Variants in RORA observed in about 807,000 individuals in gnomAD.
The protein encoded by RORA is nuclear receptor ROR-alpha.
RORA carries 7 observed loss-of-function variants against 69.5 expected under a neutral mutation model. The ratio of observed to expected loss-of-function variants is 0.10; its 90% CI spans 0.06 to 0.19. RORA has a LOEUF of 0.19. RORA is among the 10% of genes least tolerant of loss of function. The pLI, the probability that RORA is intolerant of heterozygous loss-of-function variation, is 1.00. For missense variants in RORA, 457 were observed against 663.0 expected, an observed-to-expected ratio of 0.69 and a Z score of 3.41; for synonymous variants, 261 against 240.8, an observed-to-expected ratio of 1.08 and a Z score of -0.78.
intron 1 of RORA, among the ~76,000 whole-genome samples, chr15:61,100,740 C>T (rs1443698302): frequency 6.6e-6 from 1 of 152,210 alleles, no homozygotes; most frequent in African/African-American, 2.4e-5. Flanking sequence ...CTATCACCAG[C>T]ACATGCCCTC....
intron 2 of RORA, among the ~76,000 whole-genome samples, chr15:60,631,080 G>C (rs1186182432): frequency 1.3e-5 from 2 of 151,986 alleles, no homozygotes; most frequent in Non-Finnish European, 2.9e-5. Context: ...AGTAGAGACG[G>C]GGTTTTACCA....
intron 2 of RORA, among the ~76,000 whole-genome samples, chr15:60,664,390 A>C (rs955268444): frequency 1.3e-5 from 2 of 152,226 alleles, no homozygotes; most frequent in African/African-American, 4.8e-5. Context: ...AAAGAGCAGC[A>C]CAAAATGAAG....
At chr15:61,186,038 G>A (rs2079738184) in intron 1 of RORA, among the ~76,000 whole-genome samples, 1 of 152,108 alleles carries the variant, frequency 6.6e-6, no homozygotes, top group African/African-American at 2.4e-5. Context: ...CAATACTAAA[G>A]TTCTCTCTGT....
At chr15:60,714,769 T>C (rs1410603913) in intron 1 of RORA, among the ~76,000 whole-genome samples, 3 of 152,188 alleles carry the variant, frequency 2.0e-5, no homozygotes, top group East Asian at 3.8e-4. Context: ...TCTGAAAATA[T>C]ACTGATGTGA....
chr15:60,878,764 T>C lies in RORA; in HGVS notation c.167-200078A>G, dbSNP rs530829931. ...TAATGACCTACTGTGCTTATTTTTC[T>C]AGATGAAGTAAATTATGTCTGAGGT... On this transcript the variant is annotated intron_variant, in intron 1 of 10. Coordinates refer to ENST00000335670, the MANE Select transcript of RORA (RefSeq NM_134261.3). Among the ~76,000 whole-genome samples, 12 of 152,370 alleles carry C rather than the reference T, an allele frequency of 7.9e-5. No homozygotes were observed. In the East Asian group the frequency reaches 2.3e-3, roughly 29 times the overall value.
intron 2 of RORA, among the ~76,000 whole-genome samples, chr15:60,581,685 G>C (rs1042916047): frequency 2.6e-5 from 4 of 152,044 alleles, no homozygotes; most frequent in African/African-American, 9.7e-5. Context: ...AACCCCACTG[G>C]GAAATTCCAC....
At chr15:60,522,702 G>A (rs1373378343) in intron 3 of RORA, among the ~76,000 whole-genome samples, 2 of 150,848 alleles carry the variant, frequency 1.3e-5, no homozygotes, top group East Asian at 4.0e-4. Flanking sequence ...CCAGGAGTTT[G>A]AGGGTGCAGT....
intron 1 of RORA, chr15:61,038,693 A>T (rs948596527): frequency 6.6e-6 from 1 of 152,272 alleles, no homozygotes; most frequent in Non-Finnish European, 1.5e-5. Context: ...CAGTCCAATC[A>T]AAATACACTG....
At chr15:60,984,008 G>C (rs547689069) in intron 1 of RORA, among the ~76,000 whole-genome samples, 2 of 152,186 alleles carry the variant, frequency 1.3e-5, no homozygotes, top group African/African-American at 2.4e-5. Context: ...TAGCAAAATT[G>C]TAACTCTGCT....
intron 1 of RORA, among the ~76,000 whole-genome samples, chr15:60,687,990 T>C (rs993678943): frequency 6.6e-6 from 1 of 152,216 alleles, no homozygotes; most frequent in Non-Finnish European, 1.5e-5. Flanking sequence ...TCTTTCATTC[T>C]AAAATTCCAC....
At chr15:60,610,040 T>G (rs2069049668) in intron 2 of RORA, among the ~76,000 whole-genome samples, 1 of 151,986 alleles carries the variant, frequency 6.6e-6, no homozygotes, top group Admixed American at 6.6e-5. Context: ...TAAAGAGATT[T>G]AATACAATCT....
At chr15:61,146,938 G>C (rs561548189) in intron 1 of RORA, among the ~76,000 whole-genome samples, 1 of 151,934 alleles carries the variant, frequency 6.6e-6, no homozygotes, top group South Asian at 2.1e-4. Context: ...AAGGAGGGGA[G>C]ACAATAAAAC....
chr15:60,668,723 A>G (rs996423434), intron 2 of RORA, among the ~76,000 whole-genome samples: 1 of 152,210 alleles, frequency 6.6e-6, no homozygotes, highest in Non-Finnish European at 1.5e-5. Flanking sequence ...GACATGGTGT[A>G]AGAGAAAGAG....
At chr15:60,597,055 G>A (rs1421652609) in intron 2 of RORA, among the ~76,000 whole-genome samples, 7 of 152,194 alleles carry the variant, frequency 4.6e-5, no homozygotes, top group South Asian at 4.2e-4. Context: ...TCCGTGAGTC[G>A]GTCCAAACAT....
At chr15:61,063,956 C>T (rs187077330) in intron 1 of RORA, among the ~76,000 whole-genome samples, 3 of 152,216 alleles carry the variant, frequency 2.0e-5, no homozygotes, top group Admixed American at 6.5e-5. Flanking sequence ...GGTGTGGGCA[C>T]GTCAGATCAC....
intron 1 of RORA, among the ~76,000 whole-genome samples, chr15:60,889,705 T>C (rs758690595): frequency 7.2e-5 from 11 of 152,184 alleles, no homozygotes; most frequent in Non-Finnish European, 1.6e-4. Flanking sequence ...TCCCCCAAGT[T>C]AAAATGTTGA....
rs1389632763 is a variant in RORA, at chr15:61,128,645, C to G, written c.166+100408G>C. Among the ~76,000 whole-genome samples, 1 of 152,224 alleles carries G rather than the reference C, an allele frequency of 6.6e-6. No individual in the cohort carries two copies. Among genetic ancestry groups the G allele is most frequent in the Non-Finnish European group, 1.5e-5 (1 of 68,036 alleles). On this transcript the variant is annotated intron_variant, in intron 1 of 10. Transcript: ENST00000335670. The surrounding 1 kb of genome is among the most constrained non-coding windows in gnomAD (Gnocchi z 4.5). ...AGCTTTACGGAAGGGTTGAAATGTT[C>G]TTTCTCTGGTTCCAACTGCCAGGGA...
intron 1 of RORA, among the ~76,000 whole-genome samples, chr15:61,202,154 C>T (rs892231025): frequency 2.0e-5 from 3 of 151,894 alleles, no homozygotes; most frequent in Non-Finnish European, 4.4e-5. Flanking sequence ...ATTACAGGTG[C>T]GCACCACCAT....
At chr15:61,093,712 T>C (rs916205585) in intron 1 of RORA, among the ~76,000 whole-genome samples, 12 of 152,224 alleles carry the variant, frequency 7.9e-5, no homozygotes, top group Non-Finnish European at 1.3e-4. Context: ...GTGGCAAAGC[T>C]GTTCTCATGA....
Sources: gnomAD v4.1 joint callset for allele counts (sites outside exome capture counted in the v4.1 genomes callset) on GRCh38, gnomAD v4.1.1 for gene constraint, Gnocchi (gnomAD v3.1) non-coding constraint, MANE v1.5 for transcripts, NCBI Gene and HGNC (gene_info 2026-07-23, HGNC 2026-07-21) for gene names.